The following RND3 variants were observed in gnomAD, a reference collection of about 807,000 sequenced individuals.
RND3 encodes the protein Rho family GTPase 3.
RND3 carries 8 observed loss-of-function variants against 26.5 expected under a neutral mutation model. The observed-to-expected ratio is 0.30, with a 90% CI of 0.18 to 0.54. The LOEUF (loss-of-function observed/expected upper bound fraction) is 0.54, where lower values mean the gene tolerates loss of function less well. Among genes scored for constraint, RND3 ranks in the 20% least tolerant of loss-of-function variants. The probability of loss-of-function intolerance (pLI) is 0.94; values close to 1 mark genes in which losing one functional copy is unlikely to be tolerated. For missense variants in RND3, 207 were observed against 302.8 expected, an observed-to-expected ratio of 0.68 and a Z score of 2.35; for synonymous variants, 113 against 113.0, an observed-to-expected ratio of 1.00 and a Z score of 0.00.
chr2:150,485,785 C>A (rs1473558253), intron 3 of RND3, among the ~76,000 whole-genome samples: 3 of 152,128 alleles, frequency 2.0e-5, no homozygotes, highest in Non-Finnish European at 4.4e-5. Context: ...GCCTTCCCAC[C>A]GGGAGGGTAC....
intron 3 of RND3, among the ~76,000 whole-genome samples, chr2:150,479,726 A>C (rs1686238152): frequency 6.6e-6 from 1 of 152,220 alleles, no homozygotes; most frequent in Non-Finnish European, 1.5e-5. Context: ...AATTAGCAGC[A>C]ATCTCAAGAA....
chr2:150,486,549 G>A lies in RND3; in HGVS notation c.238+145C>T. On this transcript the variant is annotated intron_variant, in intron 3 of 5. Coordinates refer to ENST00000263895, the MANE Select transcript of RND3 (RefSeq NM_005168.5). The surrounding 1 kb of genome is among the most constrained non-coding windows in gnomAD (Gnocchi z 4.5). ...TCGTCTGCCGCCCCCACCCAGAAGG[G>A]ATACAATTTTCGCCCAACAGGGACC... 1.4e-6 allele frequency: 1 copy of A among 726,646 alleles called. No individual in the cohort carries two copies. The highest frequency in any genetic ancestry group is 1.5e-5 in the South Asian group (1 of 66,634). The allele number at this position is 726,646 out of a possible 1,614,324, so 45.0% of individuals were successfully genotyped here. A position where few individuals can be genotyped will look rare whatever the true frequency, so the allele number is the denominator to read the frequency against.
chr2:150,470,284 G>A, intron 5 of RND3, 46 bp from the exon 6 acceptor site: 1 of 1,586,292 alleles, frequency 6.3e-7, no homozygotes, highest in Non-Finnish European at 8.6e-7. Flanking sequence ...AGACTTTGGG[G>A]GAAAGTTAGC....
At chr2:150,470,310 C>A in intron 5 of RND3, 72 bp from the exon 6 acceptor site, 1 of 1,477,670 alleles carries the variant, frequency 6.8e-7, no homozygotes, top group Non-Finnish European at 9.2e-7. Context: ...TCTTCTAATA[C>A]CACAAAATAA....
At chr2:150,480,498 A>G (rs1389790074) in intron 3 of RND3, among the ~76,000 whole-genome samples, 1 of 152,220 alleles carries the variant, frequency 6.6e-6, no homozygotes, top group African/African-American at 2.4e-5. Context: ...TGGAGAAAGT[A>G]TTGGTTCTTG....
intron 3 of RND3, among the ~76,000 whole-genome samples, chr2:150,484,277 G>C: frequency 6.6e-6 from 1 of 152,362 alleles, no homozygotes; most frequent in South Asian, 2.1e-4. Flanking sequence ...GATACCTGAA[G>C]TGGTATTTAC....
In RND3 at chr2:150,469,889, C is replaced by T; in HGVS notation, c.*98G>A. 7.1e-7 allele frequency: 1 copy of T among 1,409,846 alleles called. No individual in the cohort carries two copies. Among genetic ancestry groups the T allele is most frequent in the Non-Finnish European group, 9.7e-7 (1 of 1,027,462 alleles). 87.3% of individuals were successfully genotyped at this position (1,409,846 alleles called of 1,614,324 possible). A position where few individuals can be genotyped will look rare whatever the true frequency, so the allele number is the denominator to read the frequency against. ...AAACGCCTCCTAAGCCTCTGGTATA[C>T]ATGACTTTGGCTGTGCACTTCATTT... On this transcript the variant is annotated 3_prime_UTR_variant, in exon 6 of 6. Transcript: ENST00000263895.
At chr2:150,478,579 C>CAAAAAAAAAAAAAAAAAAA (rs1229770069) in intron 3 of RND3, among the ~76,000 whole-genome samples, 28 of 106,376 alleles carry the variant, frequency 2.6e-4, no homozygotes, top group African/African-American at 9.6e-4. Flanking sequence ...AGCCAAACGG[C>CAAAAAAAAAAAAAAAAAAA]AAAAAAAAAA....
At chr2:150,474,294 A>C (rs1686131195) in intron 4 of RND3, among the ~76,000 whole-genome samples, 1 of 152,274 alleles carries the variant, frequency 6.6e-6, no homozygotes, top group South Asian at 2.1e-4. Context: ...CTATGTGTAC[A>C]TTATAATATA....
At position 150,471,623 on chromosome 2, in the gene RND3, A is replaced by G; in HGVS notation, c.483+4T>C. 1.2e-6 allele frequency: 2 copies of G among 1,605,214 alleles called. No homozygotes were observed. The highest frequency in any genetic ancestry group is 4.5e-5 in the East Asian group (2 of 44,778). On this transcript the variant is annotated splice_donor_region_variant and intron_variant, in intron 5 of 5. Transcript: ENST00000263895. ...CCAGTTTTGCACATGGGCAACATACATACCTGGTCATAGGACACTGGCGTC... is the reference window on the plus strand; with the variant it reads ...CCAGTTTTGCACATGGGCAACATACGTACCTGGTCATAGGACACTGGCGTC...
At chr2:150,476,897 A>C (rs62169672) in intron 3 of RND3, among the ~76,000 whole-genome samples, 1 of 152,296 alleles carries the variant, frequency 6.6e-6, no homozygotes, top group Non-Finnish European at 1.5e-5. Flanking sequence ...AGTTCTAAGA[A>C]GTTCACACTT....
chr2:150,482,029 T>C (rs1210549117), intron 3 of RND3, among the ~76,000 whole-genome samples: 1 of 152,204 alleles, frequency 6.6e-6, no homozygotes, highest in Non-Finnish European at 1.5e-5. Flanking sequence ...GTGTTAGTAA[T>C]GCTAAAAACT....
Position 150,487,474 on chromosome 2 carries a change from A to AAAAAAAAAATATATATATAT in RND3, c.-38-20_-38-19insATATATATATATTTTTTTTT. ...ATTTTCTCTTAAGAAGAAAAAAAAA[A>AAAAAAAAAATATATATATAT]ATATATATATATATATATATTTCTC... On this transcript the variant is annotated intron_variant, in intron 1 of 5. Coordinates refer to ENST00000263895, the MANE Select transcript of RND3 (RefSeq NM_005168.5). 1 of 195,418 alleles carries AAAAAAAAAATATATATATAT rather than the reference A, an allele frequency of 5.1e-6. No individual in the cohort carries two copies. Among genetic ancestry groups the AAAAAAAAAATATATATATAT allele is most frequent in the Non-Finnish European group, 8.9e-6 (1 of 112,124 alleles). The allele number at this position is 195,418 out of a possible 1,614,324, so 12.1% of individuals were successfully genotyped here.
chr2:150,471,510 T>C, intron 5 of RND3, 117 bp downstream of exon 5: 1 of 806,524 alleles, frequency 1.2e-6, no homozygotes, highest in Non-Finnish European at 1.9e-6. Flanking sequence ...ATTTCACAAC[T>C]GACCACTGGG....
At chr2:150,480,919 T>C (rs1686259173) in intron 3 of RND3, among the ~76,000 whole-genome samples, 2 of 152,200 alleles carry the variant, frequency 1.3e-5, no homozygotes, top group Admixed American at 6.5e-5. Flanking sequence ...CAATGGATCA[T>C]TACTACCTGA....
At position 150,470,163 on chromosome 2, in the gene RND3, T is replaced by G. The variant is rs1369958471; in HGVS notation, c.559A>C (p.Arg187=). ...CSALQSENSV[R]DIFHVATLAC... ...AAGGTGGCAACGTGAAAAATGTCTC[T>G]GACGCTATTTTCCGACTGTAAAGCT... The change falls in exon 6 of 6, where the codon AGA becomes CGA. Residue 187 remains arginine, a synonymous_variant. Coordinates refer to ENST00000263895, the MANE Select transcript of RND3 (RefSeq NM_005168.5). 1 of 1,613,918 alleles carries G rather than the reference T, an allele frequency of 6.2e-7. No homozygotes were observed. Among genetic ancestry groups the G allele is most frequent in the Admixed American group, 1.7e-5 (1 of 59,964 alleles).
chr2:150,471,007 C>T (rs991164314), intron 5 of RND3, among the ~76,000 whole-genome samples: 26 of 152,158 alleles, frequency 1.7e-4, no homozygotes, highest in African/African-American at 6.0e-4. Flanking sequence ...TAAGTGTGAA[C>T]CATACCACCA....
At position 150,487,540 on chromosome 2, in the gene RND3, A is replaced by AT. The variant is rs1686409023; in HGVS notation, c.-39+8dup. The AT allele has an allele frequency of 4.3e-6, 1 of 235,166 alleles. No homozygotes were observed. The highest frequency in any genetic ancestry group is 2.3e-5 in the African/African-American group (1 of 42,888). 14.6% of individuals were successfully genotyped at this position (235,166 alleles called of 1,614,324 possible). On this transcript the variant is annotated intron_variant, in intron 1 of 5. Transcript: ENST00000263895. ...GATATAAAAATAAATCACAAGGCTG[A>AT]TGGGCAACCTCTGAAACGCGGCGCA...
intron 5 of RND3, 107 bp downstream of exon 5, chr2:150,471,520 G>T: frequency 1.1e-6 from 1 of 905,282 alleles, no homozygotes; most frequent in South Asian, 1.9e-5. Context: ...TGACCACTGG[G>T]TGAGCCTTTA....
Sources: allele counts gnomAD v4.1 joint callset (sites outside exome capture counted in the v4.1 genomes callset), GRCh38; gene constraint gnomAD v4.1.1; non-coding constraint Gnocchi (gnomAD v3.1); transcripts MANE v1.5; gene names NCBI Gene and HGNC (gene_info 2026-07-23, HGNC 2026-07-21).